AHRR: variants seen among roughly 807,000 people sequenced by gnomAD.
AHRR encodes ahR repressor.
In AHRR, 28 loss-of-function variants were observed where a neutral mutation model predicts 44.0. The observed-to-expected ratio is 0.64, with a 90% CI of 0.47 to 0.87. The LOEUF (loss-of-function observed/expected upper bound fraction) is 0.87, where lower values mean the gene tolerates loss of function less well. Among genes scored for constraint, AHRR ranks in the 40% least tolerant of loss-of-function variants. AHRR has a pLI of 0.00. For missense variants in AHRR, 990 were observed against 953.9 expected, an observed-to-expected ratio of 1.04 and a Z score of -0.50; for synonymous variants, 434 against 407.0, an observed-to-expected ratio of 1.07 and a Z score of -0.80.
At chr5:336,049 A>G (rs1439411210) in intron 1 of AHRR, among the ~76,000 whole-genome samples, 1 of 152,214 alleles carries the variant, frequency 6.6e-6, no homozygotes, top group Non-Finnish European at 1.5e-5. Flanking sequence ...ACCGTCTGCT[A>G]AGAACTAGGA....
intron 1 of AHRR, among the ~76,000 whole-genome samples, chr5:336,436 A>C (rs1742127244): frequency 6.6e-6 from 1 of 152,192 alleles, no homozygotes; most frequent in Admixed American, 6.5e-5. Flanking sequence ...GTGTGCTTGA[A>C]ATGCTTCTAG....
chr5:434,538 G>T lies in AHRR; in HGVS notation c.1798G>T (p.Ala600Ser), dbSNP rs1464240993. ...GCGGGGGGCTCAGCCCCATGGGAGG[G>T]CCACTGCTGGGCGCAGCAGGGAGCT... Reference protein sequence around the residue: ...GVRGAQPHGRATAGRSRELTP... With the variant: ...GVRGAQPHGRSTAGRSRELTP... The change falls in exon 11 of 11, where the codon GCC becomes TCC. Residue 600 changes from alanine (A) to serine (S), a missense_variant. Physicochemically the swap from Ala to Ser is moderately conservative, Grantham distance 99 (BLOSUM62 1). Coordinates refer to ENST00000684583, the MANE Select transcript of AHRR (RefSeq NM_001377236.1). 5 of 1,609,394 alleles carry T rather than the reference G, an allele frequency of 3.1e-6. No homozygotes were observed. The East Asian group carries it at 1.1e-4, about 36-fold the overall frequency.
At chr5:393,924 G>A (rs1023640712) in intron 4 of AHRR, among the ~76,000 whole-genome samples, 11 of 152,200 alleles carry the variant, frequency 7.2e-5, no homozygotes, top group African/African-American at 1.9e-4. Flanking sequence ...CGCTGCGCCC[G>A]GCCTATTGCA....
intron 1 of AHRR, among the ~76,000 whole-genome samples, chr5:340,224 G>A (rs780699549): frequency 6.6e-6 from 1 of 152,018 alleles, no homozygotes; most frequent in Non-Finnish European, 1.5e-5. Flanking sequence ...TTTTTCTTGA[G>A]TTTTGATAGA....
Position 434,045 on chromosome 5 carries a change from G to A in AHRR, c.1305G>A (p.Leu435=), listed in dbSNP as rs1299973679. The A allele has an allele frequency of 1.4e-5, 22 of 1,611,268 alleles. No homozygotes were observed. The highest frequency in any genetic ancestry group is 1.9e-5 in the Non-Finnish European group (22 of 1,179,340). ...SLRPMPRGSC[L]PCPCVQGTFR... Reference sequence around the variant, plus strand: ...GCCCCATGCCCCGCGGCTCCTGCCTGCCCTGCCCGTGTGTCCAGGGCACTT... The same window carrying A: ...GCCCCATGCCCCGCGGCTCCTGCCTACCCTGCCCGTGTGTCCAGGGCACTT... Residue 435 remains leucine, a synonymous_variant, in exon 11 of 11, where the codon CTG becomes CTA. Transcript: ENST00000684583.
chr5:433,093 C>G (rs1028124075), intron 10 of AHRR, 146 bp downstream of exon 10: 26 of 1,057,774 alleles, frequency 2.5e-5, no homozygotes, highest in Admixed American at 6.0e-5. Context: ...GCTAACCTTA[C>G]TCTCTGTGGA....
intron 5 of AHRR, among the ~76,000 whole-genome samples, chr5:416,523 C>T (rs117195342): frequency 0.021 from 3,248 of 152,304 alleles, 71 homozygotes; most frequent in Admixed American, 0.052. Context: ...CTGTCATCTC[C>T]TGATGCGCCC....
chr5:377,427 T>C (rs1733772539), intron 4 of AHRR, among the ~76,000 whole-genome samples: 1 of 152,108 alleles, frequency 6.6e-6, no homozygotes, highest in Non-Finnish European at 1.5e-5. Context: ...TTGAGTGGGC[T>C]TGCAGGGAGG....
At chr5:372,843 G>A (rs1279841099) in intron 3 of AHRR, among the ~76,000 whole-genome samples, 5 of 152,164 alleles carry the variant, frequency 3.3e-5, no homozygotes, top group East Asian at 1.9e-4. Context: ...CCAGGTGCTC[G>A]TGGTGGGGGC....
intron 5 of AHRR, 184 bp from the exon 6 acceptor site, chr5:422,545 A>C (rs1256427983): frequency 2.7e-6 from 2 of 749,116 alleles, no homozygotes; most frequent in Non-Finnish European, 2.2e-6. Context: ...CAGGCAACTT[A>C]GACATCTTCT....
rs1736863061 is a variant in AHRR, at chr5:433,984, G to A, written c.1244G>A (p.Arg415Lys). 1.3e-6 allele frequency: 2 copies of A among 1,569,898 alleles called. No individual in the cohort carries two copies. The highest frequency in any genetic ancestry group is 1.7e-6 in the Non-Finnish European group (2 of 1,158,268). Residue 415 changes from arginine (R) to lysine (K), a missense_variant, in exon 11 of 11, where the codon AGG becomes AAG. Coordinates refer to ENST00000684583, the MANE Select transcript of AHRR (RefSeq NM_001377236.1). ...CACAGTGAGGATGGTGCCAGGCCGA[G>A]GCTGCAGCCCAGCAAGAATGACCCG... The part of the protein sequence containing the change: ...GKHSEDGARP[R>K]LQPSKNDPPS...
intron 3 of AHRR, among the ~76,000 whole-genome samples, chr5:361,170 C>A (rs1743164367): frequency 6.6e-6 from 1 of 152,164 alleles, no homozygotes; most frequent in South Asian, 2.1e-4. Context: ...ATTGCTTGAA[C>A]CCGAGGTTGC....
intron 8 of AHRR, among the ~76,000 whole-genome samples, chr5:428,670 A>T (rs72717410): frequency 0.27 from 40,445 of 152,250 alleles, 7,010 homozygotes; most frequent in Non-Finnish European, 0.39. Context: ...TTTCTGTTTT[A>T]TTACATTGTA....
intron 7 of AHRR, among the ~76,000 whole-genome samples, chr5:425,681 G>A (rs1197071157): frequency 2.6e-5 from 4 of 152,208 alleles, no homozygotes; most frequent in African/African-American, 4.8e-5. Flanking sequence ...GCAGCCACTG[G>A]AATATAGTTT....
intron 3 of AHRR, among the ~76,000 whole-genome samples, chr5:362,066 G>A (rs1743204791): frequency 6.6e-6 from 1 of 152,174 alleles, no homozygotes; most frequent in Admixed American, 6.5e-5. Context: ...TTGGAGAAGG[G>A]GCCTCTAAGG....
chr5:421,645 C>A (rs140575929), intron 5 of AHRR, among the ~76,000 whole-genome samples: 16 of 152,306 alleles, frequency 1.1e-4, no homozygotes, highest in African/African-American at 3.8e-4. Flanking sequence ...CGAGGGGTCT[C>A]TGTTCCTCTG....
At chr5:345,058 CTG>C (rs1488673898) in intron 2 of AHRR, among the ~76,000 whole-genome samples, 1 of 92,114 alleles carries the variant, frequency 1.1e-5, no homozygotes, top group African/African-American at 5.0e-5. Context: ...ATGTCCCTGG[CTG>C]TGTGTGGGGA....
At chr5:347,614 T>C (rs565414469) in intron 2 of AHRR, among the ~76,000 whole-genome samples, 1 of 152,306 alleles carries the variant, frequency 6.6e-6, no homozygotes, top group East Asian at 1.9e-4. Context: ...CGTGAAATGT[T>C]TTCCAACTCA....
At chr5:427,457 C>T (rs912974195) in intron 7 of AHRR, among the ~76,000 whole-genome samples, 3 of 152,328 alleles carry the variant, frequency 2.0e-5, no homozygotes, top group East Asian at 1.9e-4. Flanking sequence ...GCCGCTGGCC[C>T]GGCTGTGGGC....
Sources: gnomAD v4.1 joint callset for allele counts (sites outside exome capture counted in the v4.1 genomes callset) on GRCh38, gnomAD v4.1.1 for gene constraint, MANE v1.5 for transcripts, NCBI Gene and HGNC (gene_info 2026-07-23, HGNC 2026-07-21) for gene names.